The following STK32B variants were observed in gnomAD, a reference collection of about 807,000 sequenced individuals.
STK32B encodes serine/threonine-protein kinase 32B.
STK32B carries 43 observed loss-of-function variants against 52.6 expected under a neutral mutation model. That is an observed-to-expected ratio of 0.82 (90% CI 0.64 to 1.05). The LOEUF (loss-of-function observed/expected upper bound fraction) is 1.05. Among genes scored for constraint, STK32B ranks in the 50% least tolerant of loss-of-function variants. The pLI is 0.00. For synonymous variants in STK32B, 238 were observed against 204.3 expected (o/e 1.17, Z -1.41); for missense variants, 621 against 534.6 (o/e 1.16, Z -1.59).
At chr4:5,267,587 C>G (rs919687940) in intron 3 of STK32B, among the ~76,000 whole-genome samples, 2 of 152,100 alleles carry the variant, frequency 1.3e-5, no homozygotes, top group Non-Finnish European at 2.9e-5. Flanking sequence ...CCCAGGGTCG[C>G]GCAGCAAGTC....
At chr4:5,189,685 G>C (rs984839075) in intron 3 of STK32B, among the ~76,000 whole-genome samples, 7 of 152,152 alleles carry the variant, frequency 4.6e-5, no homozygotes, top group Non-Finnish European at 1.0e-4. Flanking sequence ...GAAAATGATT[G>C]CTGGATTGTA....
rs544048239 is a variant in STK32B, at chr4:5,434,432, A to ATG, written c.563-12219_563-12218dup. On this transcript the variant is annotated intron_variant, in intron 6 of 11. Transcript: ENST00000282908. ...GAGTATATGCTATATGTGTGCATGTATGTGTGTGTGTGTGTGTGTGTGTAT... is the reference window on the plus strand; with the variant it reads ...GAGTATATGCTATATGTGTGCATGTATGTGTGTGTGTGTGTGTGTGTGTGTAT... Among the ~76,000 whole-genome samples the ATG allele has an allele frequency of 8.4e-3, 1,226 of 145,748 alleles. 11 individuals are homozygous for ATG. The highest frequency in any genetic ancestry group is 0.022 in the African/African-American group (863 of 38,906).
chr4:5,438,172 G>A (rs1053344132), intron 6 of STK32B: 4 of 974,406 alleles, frequency 4.1e-6, no homozygotes, highest in Non-Finnish European at 3.7e-6. Context: ...CAGCATGAAG[G>A]GACTCCTTTT....
intron 3 of STK32B, among the ~76,000 whole-genome samples, chr4:5,325,558 T>C (rs1731816137): frequency 6.6e-6 from 1 of 152,216 alleles, no homozygotes; most frequent in Admixed American, 6.5e-5. Flanking sequence ...GTTATATACA[T>C]TTCACAAGTC....
intron 1 of STK32B, among the ~76,000 whole-genome samples, chr4:5,124,549 A>G (rs1715245171): frequency 6.6e-6 from 1 of 152,234 alleles, no homozygotes; most frequent in African/African-American, 2.4e-5. Context: ...AAGGTCAGAA[A>G]GGAAATACAA....
chr4:5,376,165 A>G (rs1202841970), intron 4 of STK32B, among the ~76,000 whole-genome samples: 6 of 152,096 alleles, frequency 3.9e-5, no homozygotes, highest in African/African-American at 1.2e-4. Flanking sequence ...TGAGAGCCCA[A>G]AAATCAGAGT....
chr4:5,201,494 A>G (rs1326179237), intron 3 of STK32B, among the ~76,000 whole-genome samples: 1 of 152,206 alleles, frequency 6.6e-6, no homozygotes, highest in African/African-American at 2.4e-5. Flanking sequence ...TGCACTCCCC[A>G]GCTAATTGTA....
intron 1 of STK32B, among the ~76,000 whole-genome samples, chr4:5,086,599 A>G (rs1333031008): frequency 6.6e-6 from 1 of 152,240 alleles, no homozygotes; most frequent in African/African-American, 2.4e-5. Flanking sequence ...ACAATAAGCT[A>G]CACTTCCAAG....
intron 1 of STK32B, among the ~76,000 whole-genome samples, chr4:5,112,358 C>A (rs933859466): frequency 6.6e-6 from 1 of 152,132 alleles, no homozygotes; most frequent in Admixed American, 6.5e-5. Context: ...CCAAGGTCTG[C>A]AGTTGGCAAG....
chr4:5,141,756 T>C (rs1202496716), intron 2 of STK32B, among the ~76,000 whole-genome samples: 3 of 151,932 alleles, frequency 2.0e-5, no homozygotes, highest in African/African-American at 7.3e-5. Context: ...GTATAGGGGG[T>C]CTCTGCAGTA....
rs142526120 is a variant in STK32B at position 5,373,166 on chromosome 4, C to T, written c.435-25041C>T. Among the ~76,000 whole-genome samples the T allele has an allele frequency of 1.3e-3, 203 of 152,234 alleles. 1 individual carries two copies. The highest frequency in any genetic ancestry group is 3.0e-3 in the Admixed American group (46 of 15,296). On this transcript the variant is annotated intron_variant, in intron 4 of 11. Coordinates refer to ENST00000282908, the MANE Select transcript of STK32B (RefSeq NM_018401.3). ...AGGAAAGGATGCTCTGGTTTCTAGG[C>T]ACTCATGCATATAGCTCGCCCAGCT...
At chr4:5,476,382 CTG>C (rs1410724024) in intron 11 of STK32B, among the ~76,000 whole-genome samples, 1 of 152,142 alleles carries the variant, frequency 6.6e-6, no homozygotes, top group Non-Finnish European at 1.5e-5. Context: ...AATACAGAAA[CTG>C]TAATTACAAT....
At chr4:5,239,780 T>C (rs2072905848) in intron 3 of STK32B, among the ~76,000 whole-genome samples, 1 of 151,948 alleles carries the variant, frequency 6.6e-6, no homozygotes, top group Non-Finnish European at 1.5e-5. Flanking sequence ...TTTTCTGGAA[T>C]GAATGACTAA....
At chr4:5,044,643 T>A in the STK32B span, among the ~76,000 whole-genome samples, 3 of 152,336 alleles carry the variant, frequency 2.0e-5, no homozygotes, top group African/African-American at 7.2e-5. Flanking sequence ...TGCCGGCTCA[T>A]GCCTGTCATT....
intron 4 of STK32B, among the ~76,000 whole-genome samples, chr4:5,371,744 C>T (rs1411068774): frequency 2.0e-5 from 3 of 152,178 alleles, no homozygotes; most frequent in East Asian, 1.9e-4. Flanking sequence ...AGAAAGCAGC[C>T]GTAATAAACA....
At chr4:5,391,153 G>T (rs965583466) in intron 4 of STK32B, among the ~76,000 whole-genome samples, 4 of 151,838 alleles carry the variant, frequency 2.6e-5, no homozygotes, top group Non-Finnish European at 5.9e-5. Flanking sequence ...TAGAGATGGG[G>T]TTTCACCATG....
chr4:5,148,468 C>A (rs1272786833), intron 2 of STK32B, among the ~76,000 whole-genome samples: 1 of 151,594 alleles, frequency 6.6e-6, no homozygotes, highest in Non-Finnish European at 1.5e-5. Context: ...TTTTATAATT[C>A]CCCTTGTGAT....
At chr4:5,497,620 AAC>A (rs1259825966) in intron 11 of STK32B, among the ~76,000 whole-genome samples, 6 of 152,242 alleles carry the variant, frequency 3.9e-5, no homozygotes, top group African/African-American at 1.2e-4. Flanking sequence ...TGTCTTATGA[AAC>A]ACAGTGTTGC....
In STK32B at chr4:5,394,392, G is replaced by T. The variant is rs367862415; in HGVS notation, c.435-3815G>T. Among the ~76,000 whole-genome samples the T allele has an allele frequency of 2.8e-4, 43 of 152,296 alleles. No individual in the cohort carries two copies. In the South Asian group the frequency reaches 8.1e-3, roughly 29 times the overall value. ...CAACAGGATGACGCGCTGGAGCTGA[G>T]ATACGATCAATGTGAAAAATAGAGC... On this transcript the variant is annotated intron_variant, in intron 4 of 11. Coordinates refer to ENST00000282908, the MANE Select transcript of STK32B (RefSeq NM_018401.3). This position sits in a 1 kb window ranked among gnomAD's most constrained non-coding sequence, Gnocchi z 4.2.
Sources: allele counts gnomAD v4.1 joint callset (sites outside exome capture counted in the v4.1 genomes callset), GRCh38; gene constraint gnomAD v4.1.1; non-coding constraint Gnocchi (gnomAD v3.1); transcripts MANE v1.5; gene names NCBI Gene and HGNC (gene_info 2026-07-23, HGNC 2026-07-21).